SLC36A1: variants seen among roughly 807,000 people sequenced by gnomAD.
The protein encoded by SLC36A1 is solute carrier family 36 member 1.
Under a neutral mutation model 47.5 loss-of-function variants are expected in SLC36A1, and 30 were observed. That is an observed-to-expected ratio of 0.63 (90% CI 0.47 to 0.86). SLC36A1 has a LOEUF of 0.86. Ranked by LOEUF, SLC36A1 falls within the 40% of genes least tolerant of loss-of-function variation. The pLI is 0.00. For missense variants in SLC36A1, 517 were observed against 606.0 expected (o/e 0.85, Z 1.54); for synonymous variants, 255 against 249.7 (o/e 1.02, Z -0.20).
At chr5:151,404,631 CT>C in the SLC36A1 span, among the ~76,000 whole-genome samples, 1 of 152,144 alleles carries the variant, frequency 6.6e-6, no homozygotes, top group Non-Finnish European at 1.5e-5. Flanking sequence ...TTAGTGCTTG[CT>C]TTTCTAGAAA....
At chr5:151,382,262 C>G in the SLC36A1 span, 3 of 1,326,144 alleles carry the variant, frequency 2.3e-6, no homozygotes, top group Non-Finnish European at 3.3e-6. Flanking sequence ...AGCCTGGGAG[C>G]TACATAGCAC....
At chr5:151,534,742 G>T in the SLC36A1 span, 1 of 1,020,224 alleles carries the variant, frequency 9.8e-7, no homozygotes, top group African/African-American at 1.6e-5. Context: ...GCCACACAGA[G>T]TTTTGTTCAC....
the SLC36A1 span, among the ~76,000 whole-genome samples, chr5:151,515,948 A>G: frequency 0.15 from 23,391 of 152,248 alleles, 2,299 homozygotes; most frequent in Non-Finnish European, 0.21. Context: ...CAAGACCTTC[A>G]TAGATATGCC....
At chr5:151,439,396 C>T (rs113118647) in intron 1 of SLC36A1, among the ~76,000 whole-genome samples, 4,805 of 152,116 alleles carry the variant, frequency 0.032, 197 homozygotes, top group East Asian at 0.17. Flanking sequence ...GGCTCACTCC[C>T]GTAATCCCAG....
the SLC36A1 span, among the ~76,000 whole-genome samples, chr5:151,418,566 C>T: frequency 7.2e-5 from 11 of 152,296 alleles, no homozygotes; most frequent in East Asian, 2.1e-3. Flanking sequence ...GAGCCTGTAG[C>T]CCCTTTGTTT....
the SLC36A1 span, chr5:151,522,188 G>T: frequency 1.1e-6 from 1 of 931,486 alleles, no homozygotes; most frequent in South Asian, 1.9e-5. Context: ...TCTGCCCCAC[G>T]CCCAACTTGA....
At chr5:151,510,375 C>T in the SLC36A1 span, 2 of 556,402 alleles carry the variant, frequency 3.6e-6, no homozygotes, top group African/African-American at 1.9e-5. Context: ...AAACAGCTTA[C>T]AGCCCACCAG....
chr5:151,418,291 G>A, the SLC36A1 span, among the ~76,000 whole-genome samples: 4 of 152,334 alleles, frequency 2.6e-5, no homozygotes, highest in Middle Eastern at 0.01. Context: ...TGTGAGAAGA[G>A]GGCCACCATT....
the SLC36A1 span, chr5:151,551,523 A>C: frequency 1.9e-6 from 3 of 1,614,108 alleles, no homozygotes; most frequent in Non-Finnish European, 2.5e-6. Flanking sequence ...TTATAGTTCG[A>C]CCTTCTCCTG....
At chr5:151,509,920 C>A in the SLC36A1 span, 1 of 1,377,664 alleles carries the variant, frequency 7.3e-7, no homozygotes. Flanking sequence ...CAGGTCCCTG[C>A]AGCACTCTCC....
chr5:151,533,255 A>C, the SLC36A1 span, among the ~76,000 whole-genome samples: 2 of 152,172 alleles, frequency 1.3e-5, no homozygotes, highest in Non-Finnish European at 2.9e-5. Flanking sequence ...GAGCACTTAC[A>C]GAGCCTTGCA....
At chr5:151,478,893 TA>T (rs1277367515) in intron 9 of SLC36A1, among the ~76,000 whole-genome samples, 1 of 152,112 alleles carries the variant, frequency 6.6e-6, no homozygotes, top group African/African-American at 2.4e-5. Context: ...TTTTTTCACT[TA>T]AAAAAAGTGA....
the SLC36A1 span, among the ~76,000 whole-genome samples, chr5:151,356,062 G>T: frequency 6.6e-6 from 1 of 151,914 alleles, no homozygotes; most frequent in South Asian, 2.1e-4. Flanking sequence ...TTTTACAAAG[G>T]ATATGTTAAG....
the SLC36A1 span, chr5:151,544,586 G>A: frequency 2.5e-6 from 4 of 1,613,916 alleles, no homozygotes; most frequent in African/African-American, 4.0e-5. Flanking sequence ...ATATTTTCAG[G>A]TACTCTGACT....
At chr5:151,531,839 C>T in the SLC36A1 span, 2 of 1,613,888 alleles carry the variant, frequency 1.2e-6, no homozygotes, top group African/African-American at 2.7e-5. The surrounding 1 kb of genome is among the most constrained non-coding windows in gnomAD (Gnocchi z 5.7). Context: ...GAGGCACGGA[C>T]CGTGAGCTCC....
the SLC36A1 span, chr5:151,507,697 G>T: frequency 5.6e-6 from 7 of 1,259,700 alleles, no homozygotes; most frequent in African/African-American, 1.5e-5. Flanking sequence ...GATAGAGACT[G>T]CTCCCCCCAA....
At chr5:151,382,309 G>A in the SLC36A1 span, 222 of 1,055,478 alleles carry the variant, frequency 2.1e-4, no homozygotes, top group Non-Finnish European at 2.8e-4. Flanking sequence ...CTGCACAGTC[G>A]CCTCAGCAGC....
chr5:151,533,413 C>CACACACACAT, the SLC36A1 span, among the ~76,000 whole-genome samples: 2 of 151,472 alleles, frequency 1.3e-5, no homozygotes, highest in East Asian at 3.9e-4. Flanking sequence ...CACACACACA[C>CACACACACAT]ACACACACAC....
the SLC36A1 span, chr5:151,506,016 TG>T: frequency 6.3e-7 from 1 of 1,575,290 alleles, no homozygotes; most frequent in East Asian, 2.2e-5. Context: ...CAGAGGGCCC[TG>T]AGTCACTTCG....
Sources: allele counts gnomAD v4.1 joint callset (sites outside exome capture counted in the v4.1 genomes callset), GRCh38; gene constraint gnomAD v4.1.1; non-coding constraint Gnocchi (gnomAD v3.1); transcripts MANE v1.5; gene names NCBI Gene and HGNC (gene_info 2026-07-23, HGNC 2026-07-21).